NTAQ1: variants seen among roughly 807,000 people sequenced by gnomAD.
NTAQ1 encodes the protein protein N-terminal glutamine amidohydrolase.
A neutral mutation model predicts 28.2 loss-of-function variants in NTAQ1; 21 were observed. The ratio of observed to expected loss-of-function variants is 0.74; its 90% CI spans 0.53 to 1.07. The LOEUF (loss-of-function observed/expected upper bound fraction) is 1.07. Among genes scored for constraint, NTAQ1 ranks in the 50% least tolerant of loss-of-function variants. NTAQ1 has a pLI of 0.00. For missense variants in NTAQ1, 264 were observed against 256.6 expected (o/e 1.03, Z -0.20); for synonymous variants, 105 against 90.0 (o/e 1.17, Z -0.94).
intron 1 of NTAQ1, among the ~76,000 whole-genome samples, chr8:123,417,462 C>T (rs1203919894): frequency 2.6e-5 from 4 of 152,054 alleles, no homozygotes; most frequent in Admixed American, 2.6e-4. Flanking sequence ...AGCACTGAAG[C>T]ACAGAGGGCT....
chr8:123,452,800 G>A (rs1435863779), downstream of NTAQ1, among the ~76,000 whole-genome samples: 1 of 151,822 alleles, frequency 6.6e-6, no homozygotes, highest in South Asian at 2.1e-4. Context: ...CCAGCTACTC[G>A]GGAGGCTGAG....
intron 6 of NTAQ1, among the ~76,000 whole-genome samples, chr8:123,455,437 T>A (rs1471603806): frequency 2.0e-5 from 3 of 150,178 alleles, no homozygotes; most frequent in African/African-American, 7.4e-5. Flanking sequence ...TTTTTTTTTT[T>A]TTTTTTTGAG....
At chr8:123,442,475 G>A (rs1815113222), downstream of NTAQ1, among the ~76,000 whole-genome samples, 1 of 151,504 alleles carries the variant, frequency 6.6e-6, no homozygotes, top group Admixed American at 6.6e-5. Context: ...GCGGGCGCCT[G>A]TAATGCCAGC....
Position 123,416,938 on chromosome 8 carries a change from G to A in NTAQ1, c.83+6G>A, listed in dbSNP as rs1209058933. ...GTCTACAGCAGCTGCTACTGGTGAG[G>A]GGGCGCGGGCGCAGCCTCTGGGTCT... is the stretch of plus-strand genomic sequence containing the variant. On this transcript the variant is annotated splice_donor_region_variant and intron_variant, in intron 1 of 5. Transcript: ENST00000287387. The A allele has an allele frequency of 6.7e-7, 1 of 1,484,952 alleles. No homozygotes were observed. The highest frequency in any genetic ancestry group is 2.9e-5 in the East Asian group (1 of 35,062). The allele number at this position is 1,484,952 out of a possible 1,614,324, so 92.0% of individuals were successfully genotyped here. A position where few individuals can be genotyped will look rare whatever the true frequency, so the allele number is the denominator to read the frequency against.
chr8:123,465,574 CTTTTTT>C (rs71310691), intron 6 of NTAQ1, among the ~76,000 whole-genome samples: 5 of 78,560 alleles, frequency 6.4e-5, no homozygotes, highest in Non-Finnish European at 1.1e-4. Flanking sequence ...AGCATAACAT[CTTTTTT>C]TTTTTTTTTT....
chr8:123,453,177 C>T (rs1815553966), intron 6 of NTAQ1, among the ~76,000 whole-genome samples: 1 of 152,192 alleles, frequency 6.6e-6, no homozygotes, highest in South Asian at 2.1e-4. Context: ...TGTTTGACCT[C>T]CTTGGGGCCA....
intron 6 of NTAQ1, among the ~76,000 whole-genome samples, chr8:123,464,302 CAGCTTAG>C (rs1196870865): frequency 6.6e-6 from 1 of 152,192 alleles, no homozygotes. Flanking sequence ...TAACTCCCTT[CAGCTTAG>C]AGCAATTTTC....
chr8:123,435,192 T>C (rs1480661147), intron 3 of NTAQ1, among the ~76,000 whole-genome samples: 1 of 152,178 alleles, frequency 6.6e-6, no homozygotes, highest in Admixed American at 6.5e-5. Flanking sequence ...TCATGTCCCT[T>C]GATCACCTCC....
chr8:123,438,658 G>A (rs769855385), intron 5 of NTAQ1, among the ~76,000 whole-genome samples: 3 of 136,832 alleles, frequency 2.2e-5, no homozygotes, highest in Non-Finnish European at 4.6e-5. Flanking sequence ...AGTGACAAGA[G>A]CAAGATTCCA....
At chr8:123,469,686 A>G (rs770029789) in exon 7 of NTAQ1, among the ~76,000 whole-genome samples, 19 of 152,238 alleles carry the variant, frequency 1.2e-4, no homozygotes, top group Non-Finnish European at 2.4e-4. Flanking sequence ...CTTTTCTTCA[A>G]ATGCCATCAA....
chr8:123,437,260 A>G lies in NTAQ1; in HGVS notation c.434A>G (p.Asp145Gly). ...ADSYLKNFAS[D>G]RSHMKDSSGN... is the part of the protein sequence containing the mutation. Reference sequence around the variant, plus strand: ...TCATATTTGAAGAACTTTGCTTCTGACCGATCTCACATGAAAGACTCCAGT... The same window carrying G: ...TCATATTTGAAGAACTTTGCTTCTGGCCGATCTCACATGAAAGACTCCAGT... Residue 145 changes from aspartate (D) to glycine (G), a missense_variant, in exon 5 of 6, where the codon GAC (aspartate) becomes GGC (glycine). Transcript: ENST00000287387. 6.2e-7 allele frequency: 1 copy of G among 1,614,136 alleles called. No individual in the cohort carries two copies. The highest frequency in any genetic ancestry group is 8.5e-7 in the Non-Finnish European group (1 of 1,180,018).
chr8:123,429,802 C>G (rs897735421), intron 2 of NTAQ1, among the ~76,000 whole-genome samples, 181 bp from the exon 3 acceptor site: 2 of 150,796 alleles, frequency 1.3e-5, no homozygotes, highest in African/African-American at 4.9e-5. Flanking sequence ...ATTGCTTGAA[C>G]CCGGGAGGTG....
At chr8:123,437,378 A>C in intron 5 of NTAQ1, 44 bp downstream of exon 5, 1 of 1,606,782 alleles carries the variant, frequency 6.2e-7, no homozygotes, top group Non-Finnish European at 8.5e-7. Context: ...GATTGATCAC[A>C]TACACATCAG....
intron 6 of NTAQ1, among the ~76,000 whole-genome samples, chr8:123,466,679 A>G (rs1815968129): frequency 6.6e-6 from 1 of 152,168 alleles, no homozygotes; most frequent in African/African-American, 2.4e-5. Context: ...CAAACTGTAT[A>G]CATGGATGTG....
exon 7 of NTAQ1, among the ~76,000 whole-genome samples, chr8:123,469,231 T>C (rs1816018166): frequency 1.3e-5 from 2 of 152,244 alleles, no homozygotes. Context: ...TTGATATAAT[T>C]CCATTTGTCT....
At chr8:123,460,594 A>G (rs1487104187) in intron 6 of NTAQ1, among the ~76,000 whole-genome samples, 1 of 152,186 alleles carries the variant, frequency 6.6e-6, no homozygotes, top group Non-Finnish European at 1.5e-5. Context: ...GAACCACAAG[A>G]TGTGATGTAG....
chr8:123,455,384 C>T (rs1459105598), intron 6 of NTAQ1, among the ~76,000 whole-genome samples: 2 of 150,880 alleles, frequency 1.3e-5, no homozygotes, highest in African/African-American at 2.4e-5. Flanking sequence ...TGAGCAACCA[C>T]TTGTGTTACC....
chr8:123,441,657 C>A lies in NTAQ1; in HGVS notation c.*242C>A. ...TGCTAAGATATTCCTGTGGCTCATG[C>A]GTTACAACACGAGGACTTAAGCCAG... On this transcript the variant is annotated 3_prime_UTR_variant, in exon 6 of 6. Coordinates refer to ENST00000287387, the MANE Select transcript of NTAQ1 (RefSeq NM_018024.3). 2.0e-6 allele frequency: 1 copy of A among 487,910 alleles called. No homozygotes were observed. The highest frequency in any genetic ancestry group is 2.7e-5 in the South Asian group (1 of 37,122). The allele number at this position is 487,910 out of a possible 1,614,324, so 30.2% of individuals were successfully genotyped here.
At chr8:123,474,397 A>C, downstream of NTAQ1, among the ~76,000 whole-genome samples, 2 of 152,212 alleles carry the variant, frequency 1.3e-5, 1 homozygote, top group Middle Eastern at 6.3e-3. Context: ...TTCTCTGATT[A>C]AATTGAGATA....
Sources: gnomAD v4.1 joint callset for allele counts (sites outside exome capture counted in the v4.1 genomes callset) on GRCh38, gnomAD v4.1.1 for gene constraint, MANE v1.5 for transcripts, NCBI Gene and HGNC (gene_info 2026-07-23, HGNC 2026-07-21) for gene names.